MSRB3: variants seen among roughly 807,000 people sequenced by gnomAD.
The protein encoded by MSRB3 is methionine-R-sulfoxide reductase B3.
MSRB3 carries 13 observed loss-of-function variants against 21.0 expected under a neutral mutation model. That is an observed-to-expected ratio of 0.62 (90% CI 0.40 to 0.98). The LOEUF is 0.98. Among genes scored for constraint, MSRB3 ranks in the 50% least tolerant of loss-of-function variants. MSRB3 has a pLI of 0.00. For synonymous variants in MSRB3, 87 were observed against 88.6 expected, an observed-to-expected ratio of 0.98 and a Z score of 0.10; for missense variants, 199 against 230.3, an observed-to-expected ratio of 0.86 and a Z score of 0.88.
At chr12:65,433,500 A>G (rs1881978625) in intron 5 of MSRB3, among the ~76,000 whole-genome samples, 1 of 151,852 alleles carries the variant, frequency 6.6e-6, no homozygotes, top group African/African-American at 2.4e-5. Context: ...AGTCTTCTGC[A>G]GTACCTCACA....
chr12:65,399,970 G>A (rs1370646317), intron 5 of MSRB3, among the ~76,000 whole-genome samples: 3 of 152,090 alleles, frequency 2.0e-5, no homozygotes, highest in Admixed American at 2.0e-4. Context: ...TCATGGTGGG[G>A]AAGCTTTTTG....
intron 5 of MSRB3, among the ~76,000 whole-genome samples, chr12:65,376,329 C>G (rs1403599979): frequency 6.6e-6 from 1 of 152,138 alleles, no homozygotes; most frequent in Non-Finnish European, 1.5e-5. Flanking sequence ...CCGTGTTAGC[C>G]AGGATGGCCT....
At position 65,404,460 on chromosome 12, in the gene MSRB3, A is replaced by G. The variant is rs1255776899; in HGVS notation, c.292+35434A>G. On this transcript the variant is annotated intron_variant, in intron 5 of 6. Coordinates refer to ENST00000308259, the MANE Select transcript of MSRB3 (RefSeq NM_001031679.3). ...TGCAAGTGATTTACTTGTATTTACTATTATTATTATGAACAAACTGCTATC... is the reference window on the plus strand; with the variant it reads ...TGCAAGTGATTTACTTGTATTTACTGTTATTATTATGAACAAACTGCTATC... 6.6e-5 allele frequency among the ~76,000 whole-genome samples: 10 copies of G among 152,182 alleles called. No individual in the cohort carries two copies. In the East Asian group the frequency reaches 1.9e-3, roughly 29 times the overall value.
intron 4 of MSRB3, among the ~76,000 whole-genome samples, chr12:65,340,270 G>A (rs1255274483): frequency 6.6e-6 from 1 of 152,094 alleles, no homozygotes; most frequent in African/African-American, 2.4e-5. Context: ...AGTAGGACTG[G>A]CAGACAGCAA....
At chr12:65,313,542 T>G (rs531566686) in intron 2 of MSRB3, among the ~76,000 whole-genome samples, 1 of 152,236 alleles carries the variant, frequency 6.6e-6, no homozygotes, top group East Asian at 1.9e-4. Flanking sequence ...AATTTTTTGT[T>G]AAGTCTTCTG....
chr12:65,313,180 C>T (rs554944346), intron 2 of MSRB3, among the ~76,000 whole-genome samples: 76 of 151,976 alleles, frequency 5.0e-4, no homozygotes, highest in Non-Finnish European at 9.0e-4. Flanking sequence ...GAACTCTGGC[C>T]CTTTTGATCA....
chr12:65,361,559 T>C (rs1172359192), intron 4 of MSRB3, among the ~76,000 whole-genome samples: 1 of 152,186 alleles, frequency 6.6e-6, no homozygotes, highest in South Asian at 2.1e-4. Flanking sequence ...TTTTGCTCTT[T>C]TAGTTTCTTT....
intron 4 of MSRB3, among the ~76,000 whole-genome samples, chr12:65,367,648 A>C (rs1421030602): frequency 6.6e-6 from 1 of 152,210 alleles, no homozygotes; most frequent in African/African-American, 2.4e-5. Context: ...GTGCTAAGAG[A>C]TGGTGGAAAC....
intron 5 of MSRB3, among the ~76,000 whole-genome samples, chr12:65,394,848 A>G (rs75200104): frequency 0.018 from 2,735 of 152,340 alleles, 91 homozygotes; most frequent in African/African-American, 0.063. Flanking sequence ...CAGAAAAAGT[A>G]TTTGACAAAA....
chr12:65,305,512 A>G (rs1202989675), intron 1 of MSRB3, among the ~76,000 whole-genome samples: 1 of 152,132 alleles, frequency 6.6e-6, no homozygotes, highest in Admixed American at 6.5e-5. Context: ...TTGGAGGTGA[A>G]TGTCCTGAGT....
chr12:65,435,278 G>A (rs921695488), intron 5 of MSRB3, among the ~76,000 whole-genome samples: 2 of 151,676 alleles, frequency 1.3e-5, no homozygotes, highest in East Asian at 3.9e-4. Context: ...CCATCTTTTG[G>A]CCAAGATCAA....
intron 4 of MSRB3, among the ~76,000 whole-genome samples, chr12:65,360,999 T>C (rs1877666636): frequency 6.6e-6 from 1 of 152,188 alleles, no homozygotes; most frequent in Non-Finnish European, 1.5e-5. Context: ...TACATAATTT[T>C]GGCATCCATA....
At chr12:65,331,403 C>A (rs1875408241) in intron 4 of MSRB3, among the ~76,000 whole-genome samples, 1 of 152,206 alleles carries the variant, frequency 6.6e-6, no homozygotes, top group Non-Finnish European at 1.5e-5. Context: ...TAGGAATCCT[C>A]TGCACCCCTC....
At chr12:65,461,683 A>AT (rs1471055947) in intron 6 of MSRB3, among the ~76,000 whole-genome samples, 3 of 152,016 alleles carry the variant, frequency 2.0e-5, no homozygotes, top group Non-Finnish European at 4.4e-5. Flanking sequence ...TTCTCTCTTC[A>AT]TCTCCATTTG....
At chr12:65,287,929 C>T (rs961576683) in intron 1 of MSRB3, among the ~76,000 whole-genome samples, 1 of 152,078 alleles carries the variant, frequency 6.6e-6, no homozygotes, top group Non-Finnish European at 1.5e-5. Flanking sequence ...TTGTTTTTGC[C>T]TGAGTCGTTT....
intron 5 of MSRB3, among the ~76,000 whole-genome samples, chr12:65,392,639 C>G (rs921745359): frequency 1.3e-5 from 2 of 152,192 alleles, no homozygotes; most frequent in African/African-American, 4.8e-5. Context: ...GCGATCCTCT[C>G]AAGTCAGACT....
chr12:65,377,998 A>T (rs1467765398), intron 5 of MSRB3, among the ~76,000 whole-genome samples: 1 of 152,244 alleles, frequency 6.6e-6, no homozygotes, highest in Non-Finnish European at 1.5e-5. Flanking sequence ...CAGGAGAGCC[A>T]TTCATCCTAG....
At chr12:65,402,530 T>A (rs4762080) in intron 5 of MSRB3, among the ~76,000 whole-genome samples, 24,625 of 152,168 alleles carry the variant, frequency 0.16, 2,511 homozygotes, top group Middle Eastern at 0.39. Flanking sequence ...TTCTTCAAGG[T>A]TCTTAGCTTC....
At chr12:65,443,032 A>C (rs545694195) in intron 5 of MSRB3, among the ~76,000 whole-genome samples, 1 of 152,236 alleles carries the variant, frequency 6.6e-6, no homozygotes, top group Admixed American at 6.6e-5. Flanking sequence ...ACAAAGGGAA[A>C]TAGGGAAGCT....
Sources: gnomAD v4.1 joint callset for allele counts (sites outside exome capture counted in the v4.1 genomes callset) on GRCh38, gnomAD v4.1.1 for gene constraint, MANE v1.5 for transcripts, NCBI Gene and HGNC (gene_info 2026-07-23, HGNC 2026-07-21) for gene names.